PSTPIP2: variants seen among roughly 807,000 people sequenced by gnomAD.
The protein encoded by PSTPIP2 is proline-serine-threonine phosphatase-interacting protein 2.
A neutral mutation model predicts 63.3 loss-of-function variants in PSTPIP2; 33 were observed. The observed-to-expected ratio is 0.52, with a 90% CI of 0.40 to 0.70. The LOEUF (loss-of-function observed/expected upper bound fraction) is 0.70. Ranked by LOEUF, PSTPIP2 falls within the 30% of genes least tolerant of loss-of-function variation. The probability of loss-of-function intolerance (pLI) is 0.00; values close to 1 mark genes in which losing one functional copy is unlikely to be tolerated. For missense variants in PSTPIP2, 312 were observed against 400.7 expected, an observed-to-expected ratio of 0.78 and a Z score of 1.89; for synonymous variants, 125 against 132.7, an observed-to-expected ratio of 0.94 and a Z score of 0.40.
chr18:46,040,163 G>T, intron 1 of PSTPIP2, 116 bp from the exon 2 acceptor site: 2 of 787,350 alleles, frequency 2.5e-6, no homozygotes, highest in Non-Finnish European at 2.0e-6. Context: ...GACTCACTTT[G>T]AGATGGCGCA....
In PSTPIP2 at chr18:46,009,362, T is replaced by TAAAAA. The variant is rs749693553; in HGVS notation, c.354+1814_354+1818dup. Among the ~76,000 whole-genome samples the TAAAAA allele has an allele frequency of 4.6e-3, 215 of 46,796 alleles. 11 individuals are homozygous for TAAAAA. Among genetic ancestry groups the TAAAAA allele is most frequent in the African/African-American group, 0.02 (195 of 9,972 alleles). The allele number at this position is 46,796 out of a possible 152,430, so 30.7% of individuals were successfully genotyped here. ...CATTTTCTTCCAAAGTTTTATGGTG[T>TAAAAA]AAAAAAAAAAAAAAAAAAAAAAAAA... On this transcript the variant is annotated intron_variant, in intron 5 of 14. Coordinates refer to ENST00000409746, the MANE Select transcript of PSTPIP2 (RefSeq NM_024430.4).
chr18:46,012,838 A>G (rs1219253171), intron 4 of PSTPIP2, among the ~76,000 whole-genome samples: 1 of 152,260 alleles, frequency 6.6e-6, no homozygotes, highest in Non-Finnish European at 1.5e-5. Flanking sequence ...AACTACTAGC[A>G]TGATTTTAAA....
intron 1 of PSTPIP2, among the ~76,000 whole-genome samples, chr18:46,068,883 C>T (rs1909291061): frequency 6.6e-6 from 1 of 152,038 alleles, no homozygotes; most frequent in Non-Finnish European, 1.5e-5. Flanking sequence ...TGACAAGATT[C>T]CAATCTGGTA....
At chr18:46,036,726 G>A (rs954286024) in intron 2 of PSTPIP2, among the ~76,000 whole-genome samples, 2 of 152,312 alleles carry the variant, frequency 1.3e-5, no homozygotes, top group East Asian at 1.9e-4. Context: ...TTTCGGTAAT[G>A]GAGGTAAAAT....
chr18:45,997,672 C>CT (rs1235154845), intron 9 of PSTPIP2, 77 bp downstream of exon 9: 1 of 243,016 alleles, frequency 4.1e-6, no homozygotes, highest in African/African-American at 2.9e-5. Context: ...CCCTCCCCCC[C>CT]CCGTCCTGAG....
At chr18:45,994,400 A>T (rs1447967224) in intron 9 of PSTPIP2, among the ~76,000 whole-genome samples, 1 of 151,962 alleles carries the variant, frequency 6.6e-6, no homozygotes, top group Non-Finnish European at 1.5e-5. Flanking sequence ...CCCCTTTTCC[A>T]CTCTATGAGG....
chr18:46,044,756 C>T (rs1362536464), intron 1 of PSTPIP2, among the ~76,000 whole-genome samples: 7 of 152,092 alleles, frequency 4.6e-5, no homozygotes, highest in Non-Finnish European at 7.4e-5. Context: ...CGCAACCTAC[C>T]CATCTGACAA....
chr18:46,052,775 T>G (rs551715148), intron 1 of PSTPIP2, among the ~76,000 whole-genome samples: 1 of 152,214 alleles, frequency 6.6e-6, no homozygotes, highest in Non-Finnish European at 1.5e-5. Flanking sequence ...TGAATCAGTG[T>G]TCATTATCGA....
intron 1 of PSTPIP2, among the ~76,000 whole-genome samples, chr18:46,046,837 C>G (rs1189162930): frequency 6.6e-6 from 1 of 152,226 alleles, no homozygotes; most frequent in African/African-American, 2.4e-5. Flanking sequence ...GCCCAGAGAG[C>G]CCCACTAGAA....
chr18:46,006,355 T>A, intron 5 of PSTPIP2, among the ~76,000 whole-genome samples: 1 of 86,746 alleles, frequency 1.2e-5, no homozygotes, highest in Admixed American at 1.6e-4. Flanking sequence ...TGCCCAGCCC[T>A]GGTACTTTTT....
chr18:46,038,798 G>A (rs1026105783), intron 2 of PSTPIP2, among the ~76,000 whole-genome samples: 1 of 152,200 alleles, frequency 6.6e-6, no homozygotes, highest in Non-Finnish European at 1.5e-5. Flanking sequence ...CAAGGAGACA[G>A]GCCTCACCAC....
intron 4 of PSTPIP2, among the ~76,000 whole-genome samples, chr18:46,014,969 C>A (rs1260098927): frequency 6.6e-6 from 1 of 152,114 alleles, no homozygotes; most frequent in Non-Finnish European, 1.5e-5. Context: ...GGGCTAGGAC[C>A]AAGCTCTGAG....
In PSTPIP2 at chr18:46,032,978, T is replaced by C. The variant is rs145743035; in HGVS notation, c.134+6969A>G. Among the ~76,000 whole-genome samples the C allele has an allele frequency of 2.7e-3, 407 of 152,324 alleles. 8 individuals are homozygous for C. Among genetic ancestry groups the C allele is most frequent in the Admixed American group, 0.02 (307 of 15,298 alleles). On this transcript the variant is annotated intron_variant, in intron 2 of 14. Transcript: ENST00000409746. ...ACTTAAATATTTTGCTCAATTTTAC[T>C]GTATATGCCATTCACAGCACCTCAA...
intron 14 of PSTPIP2, among the ~76,000 whole-genome samples, chr18:45,987,483 G>A (rs1047080891): frequency 2.0e-5 from 3 of 150,966 alleles, no homozygotes; most frequent in South Asian, 2.1e-4. Context: ...ATGCGAAGAC[G>A]TGTAGTTCAG....
intron 14 of PSTPIP2, among the ~76,000 whole-genome samples, chr18:45,987,421 C>T (rs1472075934): frequency 2.6e-5 from 4 of 152,318 alleles, no homozygotes; most frequent in African/African-American, 9.6e-5. Context: ...CCACCCACTG[C>T]CTGCCACTTG....
intron 6 of PSTPIP2, 136 bp downstream of exon 6, chr18:46,005,333 T>C (rs2051713673): frequency 2.8e-6 from 2 of 710,136 alleles, no homozygotes; most frequent in East Asian, 5.9e-5. Flanking sequence ...CATTTAAGGT[T>C]GTTTTCCCTA....
intron 3 of PSTPIP2, among the ~76,000 whole-genome samples, chr18:46,022,041 G>A (rs1183809826): frequency 6.6e-6 from 1 of 151,740 alleles, no homozygotes; most frequent in African/African-American, 2.4e-5. Context: ...TAGGTGATGG[G>A]TATATAGCTA....
At chr18:46,030,405 ATTTG>A (rs1907749504) in intron 2 of PSTPIP2, among the ~76,000 whole-genome samples, 1 of 152,134 alleles carries the variant, frequency 6.6e-6, no homozygotes, top group South Asian at 2.1e-4. Context: ...CATTTTAACA[ATTTG>A]TTTGTGTTTT....
chr18:46,020,261 T>A (rs1175504435), intron 3 of PSTPIP2, among the ~76,000 whole-genome samples: 1 of 152,154 alleles, frequency 6.6e-6, no homozygotes, highest in Admixed American at 6.5e-5. Flanking sequence ...ACAACTCTTT[T>A]AAAAAGCACG....
Sources: gnomAD v4.1 joint callset for allele counts (sites outside exome capture counted in the v4.1 genomes callset) on GRCh38, gnomAD v4.1.1 for gene constraint, MANE v1.5 for transcripts, NCBI Gene and HGNC (gene_info 2026-07-23, HGNC 2026-07-21) for gene names.